Variants in CP observed in about 807,000 individuals in gnomAD.
CP encodes the protein caeruloplasmin.
In CP, 64 loss-of-function variants were observed where a neutral mutation model predicts 122.4. The observed-to-expected ratio is 0.52, with a 90% CI of 0.43 to 0.64. The LOEUF (loss-of-function observed/expected upper bound fraction) is 0.64, where lower values mean the gene tolerates loss of function less well. Among genes scored for constraint, CP ranks in the 30% least tolerant of loss-of-function variants. CP has a pLI of 0.00. For synonymous variants in CP, 440 were observed against 436.4 expected, an observed-to-expected ratio of 1.01 and a Z score of -0.10; for missense variants, 1,167 against 1,284.4, an observed-to-expected ratio of 0.91 and a Z score of 1.40.
rs377476442 is a variant in CP at position 149,206,199 on chromosome 3, A to G, written c.1177T>C (p.Phe393Leu). 6.2e-7 allele frequency: 1 copy of G among 1,613,962 alleles called. No individual in the cohort carries two copies. Among genetic ancestry groups the G allele is most frequent in the African/African-American group, 1.3e-5 (1 of 75,028 alleles). Residue 393 changes from phenylalanine (F) to leucine (L), a missense_variant, in exon 6 of 19, where the codon TTC (phenylalanine) becomes CTC (leucine). Phe to Leu is a conservative substitution (Grantham distance 22). This residue lies in a region of CP where 642 missense variants were observed against 627.3 expected (regional missense o/e 1.02). Transcript: ENST00000264613. ...GGTGCTGTTAAGTTTTCTTTAGTGA[A>G]GATGTCTATACCAGAGGGAGCATAG... Reference protein sequence around the residue: ...WNYAPSGIDIFTKENLTAPGS... With the variant: ...WNYAPSGIDILTKENLTAPGS...
Position 149,181,986 on chromosome 3 carries a change from C to CTGGGGGGGGGGGG in CP, c.2554+18_2554+19insCCCCCCCCCCCCA. 3.4e-6 allele frequency: 2 copies of CTGGGGGGGGGGGG among 586,880 alleles called. No homozygotes were observed. Among genetic ancestry groups the CTGGGGGGGGGGGG allele is most frequent in the Non-Finnish European group, 6.3e-6 (2 of 319,264 alleles). 36.4% of individuals were successfully genotyped at this position (586,880 alleles called of 1,614,324 possible). On this transcript the variant is annotated intron_variant, in intron 14 of 18. Transcript: ENST00000264613. Reference sequence around the variant, plus strand: ...AGCCTGTTAAAATGCACCACCCCCACCCCCGCCCCCGTGAGTACCTGGTAA... The same window carrying CTGGGGGGGGGGGG: ...AGCCTGTTAAAATGCACCACCCCCACTGGGGGGGGGGGGCCCCGCCCCCGTGAGTACCTGGTAA...
intron 14 of CP, among the ~76,000 whole-genome samples, chr3:149,180,625 G>A (rs1034589602): frequency 1.3e-5 from 2 of 152,162 alleles, no homozygotes; most frequent in African/African-American, 4.8e-5. Context: ...GGTCTCAAGT[G>A]ATGTGGTAGA....
chr3:149,187,590 A>G (rs1264567718), intron 10 of CP, among the ~76,000 whole-genome samples: 1 of 152,232 alleles, frequency 6.6e-6, no homozygotes, highest in Non-Finnish European at 1.5e-5. Context: ...CTGAGATCAT[A>G]TCTTTCTGCA....
chr3:149,197,515 A>C (rs1726972535), intron 9 of CP, among the ~76,000 whole-genome samples: 1 of 149,846 alleles, frequency 6.7e-6, no homozygotes, highest in Non-Finnish European at 1.5e-5. Context: ...GCAGTCTTGA[A>C]AAAAAAAAAA....
At chr3:149,218,206 T>C (rs1314694891) in intron 1 of CP, among the ~76,000 whole-genome samples, 1 of 152,212 alleles carries the variant, frequency 6.6e-6, no homozygotes, top group Non-Finnish European at 1.5e-5. Context: ...TATTATATAG[T>C]CAATTAATTC....
intron 18 of CP, among the ~76,000 whole-genome samples, chr3:149,174,087 C>T (rs1038696135): frequency 2.0e-5 from 3 of 152,092 alleles, no homozygotes; most frequent in African/African-American, 7.2e-5. Flanking sequence ...CAACATCATG[C>T]CATGATAGTC....
rs1434944350 is a variant in CP, at chr3:149,218,374, A to C, written c.146+3273T>G. On this transcript the variant is annotated intron_variant, in intron 1 of 18. Transcript: ENST00000264613. ...CTTTAACTACTTACTGATGTGTTGA[A>C]GTGACAGATAAGGCACTGACCCAAG... is the stretch of plus-strand genomic sequence containing the variant. 2.0e-5 allele frequency among the ~76,000 whole-genome samples: 3 copies of C among 152,344 alleles called. No homozygotes were observed. In the East Asian group the frequency reaches 5.8e-4, roughly 29 times the overall value.
chr3:149,167,369 A>G, intron 4 of CP: 3 of 737,150 alleles, frequency 4.1e-6, no homozygotes, highest in Non-Finnish European at 4.8e-6. Flanking sequence ...GGGTCCATTG[A>G]GCATATATGT....
At chr3:149,175,615 C>T (rs1725366507) in intron 18 of CP, among the ~76,000 whole-genome samples, 1 of 151,290 alleles carries the variant, frequency 6.6e-6, no homozygotes. Flanking sequence ...AGCCTGCAGC[C>T]ACAGTGCAGG....
At chr3:149,192,992 A>ACG (rs1267530785) in intron 9 of CP, among the ~76,000 whole-genome samples, 1 of 151,860 alleles carries the variant, frequency 6.6e-6, no homozygotes, top group East Asian at 1.9e-4. Flanking sequence ...ACACACACAC[A>ACG]CACACACACA....
chr3:149,210,705 T>C (rs1462306163), intron 2 of CP, among the ~76,000 whole-genome samples: 3 of 152,206 alleles, frequency 2.0e-5, no homozygotes, highest in East Asian at 1.9e-4. Flanking sequence ...AAACTTCTTA[T>C]ATGATCTCAG....
intron 4 of CP, 80 bp from the exon 5 acceptor site, chr3:149,207,697 C>CA: frequency 1.3e-6 from 2 of 1,491,358 alleles, no homozygotes; most frequent in Non-Finnish European, 1.9e-6. Flanking sequence ...TAAATAGAAT[C>CA]AATTTGGAAT....
At chr3:149,176,557 T>C (rs1411226945) in intron 17 of CP, 145 bp from the exon 18 acceptor site, 3 of 660,946 alleles carry the variant, frequency 4.5e-6, no homozygotes, top group Admixed American at 5.3e-5. Flanking sequence ...TTAATACAAA[T>C]GGTAAAATGT....
intron 18 of CP, among the ~76,000 whole-genome samples, chr3:149,174,355 A>C (rs1245086249): frequency 6.6e-6 from 1 of 152,198 alleles, no homozygotes; most frequent in Non-Finnish European, 1.5e-5. Context: ...TATTGTGGTC[A>C]TGTACAAGAA....
chr3:149,205,624 G>C (rs1727658429), intron 6 of CP, among the ~76,000 whole-genome samples: 2 of 152,060 alleles, frequency 1.3e-5, no homozygotes, highest in South Asian at 4.1e-4. Flanking sequence ...ATTATGCTAA[G>C]TGATATAAAA....
rs749108953 is a variant in CP, at chr3:149,186,650, G to C, written c.1947C>G (p.Ala649=). The C allele has an allele frequency of 6.2e-7, 1 of 1,613,934 alleles. No individual in the cohort carries two copies. The highest frequency in any genetic ancestry group is 8.5e-7 in the Non-Finnish European group (1 of 1,179,996). The change falls in exon 11 of 19, where the codon GCC becomes GCG. Residue 649 remains alanine, a synonymous_variant. Coordinates refer to ENST00000264613, the MANE Select transcript of CP (RefSeq NM_000096.4). ...GDSVVWYLFS[A]GNEADVHGIY... ...TTCCATGTACATCGGCCTCATTTCCGGCGCTGAATAAGTACCACACGACCG... is the reference window on the plus strand; with the variant it reads ...TTCCATGTACATCGGCCTCATTTCCCGCGCTGAATAAGTACCACACGACCG...
intron 17 of CP, chr3:149,176,691 C>G (rs1489941681): frequency 7.9e-6 from 3 of 377,926 alleles, no homozygotes; most frequent in Non-Finnish European, 1.5e-5. Flanking sequence ...TTCTGGTTTG[C>G]CTGTTTGTCA....
At chr3:149,181,976 A>AGGGGGGGGGGGGGGGG in intron 14 of CP, 29 bp downstream of exon 14, 1 of 561,808 alleles carries the variant, frequency 1.8e-6, no homozygotes, top group Non-Finnish European at 3.3e-6. Flanking sequence ...GTTAAAATGC[A>AGGGGGGGGGGGGGGGG]CCACCCCCAC....
chr3:149,201,888 C>T (rs577803158), intron 7 of CP, among the ~76,000 whole-genome samples: 11 of 152,298 alleles, frequency 7.2e-5, no homozygotes, highest in African/African-American at 2.6e-4. Context: ...AGCTACCACT[C>T]CCGGCCGTCA....
Sources: gnomAD v4.1 joint callset for allele counts (sites outside exome capture counted in the v4.1 genomes callset) on GRCh38, gnomAD v4.1.1 for gene constraint, gnomAD v4.1.1 regional missense constraint, MANE v1.5 for transcripts, NCBI Gene and HGNC (gene_info 2026-07-23, HGNC 2026-07-21) for gene names.